The following KCNT2 variants were observed in gnomAD, a reference collection of about 807,000 sequenced individuals.
KCNT2 encodes potassium channel subfamily T member 2.
KCNT2 carries 67 observed loss-of-function variants against 153.8 expected under a neutral mutation model. The ratio of observed to expected loss-of-function variants is 0.44; its 90% CI spans 0.36 to 0.53. KCNT2 has a LOEUF of 0.53. Among genes scored for constraint, KCNT2 ranks in the 20% least tolerant of loss-of-function variants. The probability of loss-of-function intolerance (pLI) is 0.00; values close to 1 mark genes in which losing one functional copy is unlikely to be tolerated. For missense variants in KCNT2, 975 were observed against 1,354.8 expected, an observed-to-expected ratio of 0.72 and a Z score of 4.40; for synonymous variants, 500 against 458.8, an observed-to-expected ratio of 1.09 and a Z score of -1.15.
At chr1:196,503,180 G>A (rs929677059) in intron 1 of KCNT2, among the ~76,000 whole-genome samples, 2 of 151,032 alleles carry the variant, frequency 1.3e-5, no homozygotes, top group African/African-American at 4.9e-5. Context: ...AAAAAAAAGA[G>A]CAGATGCTCC....
At chr1:196,502,915 AT>A (rs1228242288) in intron 1 of KCNT2, among the ~76,000 whole-genome samples, 3 of 152,096 alleles carry the variant, frequency 2.0e-5, no homozygotes, top group Non-Finnish European at 4.4e-5. Flanking sequence ...ATATTTTGTC[AT>A]TCGTAAATTG....
At chr1:196,312,375 A>G (rs1253102582) in intron 21 of KCNT2, among the ~76,000 whole-genome samples, 1 of 151,632 alleles carries the variant, frequency 6.6e-6, no homozygotes, top group Non-Finnish European at 1.5e-5. Context: ...GCCTACTAAG[A>G]GTGTCCCCTC....
At chr1:196,467,845 G>A in intron 6 of KCNT2, 59 bp from the exon 7 acceptor site, 1 of 920,612 alleles carries the variant, frequency 1.1e-6, no homozygotes, top group South Asian at 2.1e-5. Flanking sequence ...ACCATACCCA[G>A]TATACTAAAA....
At chr1:196,502,652 T>A (rs1276195044) in intron 1 of KCNT2, among the ~76,000 whole-genome samples, 1 of 152,154 alleles carries the variant, frequency 6.6e-6, no homozygotes, top group Non-Finnish European at 1.5e-5. Flanking sequence ...CTGGAAATAG[T>A]CTTGTGGTTT....
chr1:196,580,727 A>G (rs1451829253), intron 1 of KCNT2, among the ~76,000 whole-genome samples: 1 of 152,140 alleles, frequency 6.6e-6, no homozygotes, highest in Non-Finnish European at 1.5e-5. Flanking sequence ...GTATAGTTAG[A>G]CTGCTAAATC....
chr1:196,529,431 G>A (rs951504157), intron 1 of KCNT2, among the ~76,000 whole-genome samples: 10 of 152,030 alleles, frequency 6.6e-5, no homozygotes, highest in Admixed American at 6.6e-4. Context: ...TTGAAGTCGT[G>A]GAAAAGGTAC....
intron 20 of KCNT2, among the ~76,000 whole-genome samples, chr1:196,318,633 C>T (rs560377860): frequency 1.9e-4 from 29 of 151,872 alleles, no homozygotes; most frequent in African/African-American, 6.0e-4. Flanking sequence ...CATCTAACTA[C>T]AGTTTATTTA....
intron 5 of KCNT2, among the ~76,000 whole-genome samples, chr1:196,475,692 T>C (rs868691137): frequency 1.4e-4 from 22 of 152,230 alleles, no homozygotes; most frequent in African/African-American, 5.3e-4. Flanking sequence ...CATAAATGAC[T>C]ACCAATTACT....
chr1:196,279,421 A>T lies in KCNT2; in HGVS notation c.2910+1439T>A, dbSNP rs181617786. Among the ~76,000 whole-genome samples, 1,361 of 151,258 alleles carry T rather than the reference A, an allele frequency of 9.0e-3. 12 individuals are homozygous for T. The highest frequency in any genetic ancestry group is 0.02 in the Middle Eastern group (6 of 294). The stretch of plus-strand genomic sequence containing the variant: ...GACGGCAGCAAAACTCCATTAAAAA[A>T]TTTTTTTTTATTATTATTTGAGACA... On this transcript the variant is annotated intron_variant, in intron 25 of 27. Coordinates refer to ENST00000294725, the MANE Select transcript of KCNT2 (RefSeq NM_198503.5).
chr1:196,579,935 A>C (rs1262265434), intron 1 of KCNT2, among the ~76,000 whole-genome samples: 1 of 152,176 alleles, frequency 6.6e-6, no homozygotes, highest in Non-Finnish European at 1.5e-5. Flanking sequence ...CTCAATAGAA[A>C]CATGGAAAGA....
At chr1:196,437,252 A>G in intron 8 of KCNT2, among the ~76,000 whole-genome samples, 1 of 100,070 alleles carries the variant, frequency 1.0e-5, no homozygotes, top group Non-Finnish European at 2.1e-5. Flanking sequence ...ATATTTATAT[A>G]TTTTTTATAA....
At position 196,435,135 on chromosome 1, in the gene KCNT2, G is replaced by GTGTATATA. The variant is rs747899287; in HGVS notation, c.639-5379_639-5378insTATATACA. 1.7e-3 allele frequency among the ~76,000 whole-genome samples: 133 copies of GTGTATATA among 76,774 alleles called. 1 individual carries two copies. Among genetic ancestry groups the GTGTATATA allele is most frequent in the Middle Eastern group, 9.8e-3 (1 of 102 alleles). The allele number at this position is 76,774 out of a possible 152,430, so 50.4% of individuals were successfully genotyped here. Reference sequence around the variant, plus strand: ...GCAATAGATACTTATGTGTGTGTGTGTATGTATATATATATATATATATAT... The same window carrying GTGTATATA: ...GCAATAGATACTTATGTGTGTGTGTGTGTATATATATGTATATATATATATATATATAT... On this transcript the variant is annotated intron_variant, in intron 8 of 27. Coordinates refer to ENST00000294725, the MANE Select transcript of KCNT2 (RefSeq NM_198503.5).
At chr1:196,492,419 A>ATTTG in intron 1 of KCNT2, 78 bp from the exon 2 acceptor site, 3 of 1,038,904 alleles carry the variant, frequency 2.9e-6, no homozygotes, top group Non-Finnish European at 3.8e-6. Context: ...ACAAATATAA[A>ATTTG]TTGATCTGTA....
chr1:196,233,699 T>A (rs1654157893), intron 27 of KCNT2, among the ~76,000 whole-genome samples: 1 of 151,474 alleles, frequency 6.6e-6, no homozygotes, highest in South Asian at 2.1e-4. Flanking sequence ...TAGAATACCA[T>A]TCATCCATAA....
intron 22 of KCNT2, among the ~76,000 whole-genome samples, chr1:196,301,774 C>G (rs957949797): frequency 1.3e-5 from 2 of 152,124 alleles, no homozygotes; most frequent in African/African-American, 2.4e-5. Context: ...TAGTCTCTCT[C>G]TGTCGCCCAG....
chr1:196,585,296 CTT>C (rs1443176036), intron 1 of KCNT2, among the ~76,000 whole-genome samples: 5 of 152,094 alleles, frequency 3.3e-5, no homozygotes, highest in Admixed American at 2.6e-4. Flanking sequence ...GTGTCAAACA[CTT>C]TACACAAATT....
chr1:196,310,249 G>C (rs2147998903), intron 21 of KCNT2, among the ~76,000 whole-genome samples: 1 of 151,774 alleles, frequency 6.6e-6, no homozygotes, highest in African/African-American at 2.4e-5. Flanking sequence ...AATTAACAGG[G>C]GGTATACATT....
intron 12 of KCNT2, among the ~76,000 whole-genome samples, chr1:196,422,221 G>T (rs1370698862): frequency 1.3e-5 from 2 of 152,012 alleles, no homozygotes; most frequent in African/African-American, 4.8e-5. Flanking sequence ...TACAGTCCTA[G>T]ATTAATGTAA....
chr1:196,361,915 G>A (rs1667658143), intron 14 of KCNT2, among the ~76,000 whole-genome samples: 1 of 11,648 alleles, frequency 8.6e-5, no homozygotes, highest in South Asian at 3.6e-3. Context: ...GTGAGTGTGA[G>A]TGTGTGTGTG....
Sources: allele counts gnomAD v4.1 joint callset (sites outside exome capture counted in the v4.1 genomes callset), GRCh38; gene constraint gnomAD v4.1.1; transcripts MANE v1.5; gene names NCBI Gene and HGNC (gene_info 2026-07-23, HGNC 2026-07-21).